PLCE1: variants seen among roughly 807,000 people sequenced by gnomAD.
The protein encoded by PLCE1 is 1-phosphatidylinositol 4,5-bisphosphate phosphodiesterase epsilon-1.
In PLCE1, 119 loss-of-function variants were observed where a neutral mutation model predicts 242.8. The observed-to-expected ratio is 0.49, with a 90% CI of 0.42 to 0.57. The LOEUF (loss-of-function observed/expected upper bound fraction) is 0.57, where lower values mean the gene tolerates loss of function less well. Among genes scored for constraint, PLCE1 ranks in the 20% least tolerant of loss-of-function variants. The pLI is 0.00. For synonymous variants in PLCE1, 945 were observed against 1,017.4 expected (o/e 0.93, Z 1.35); for missense variants, 2,441 against 2,788.8 (o/e 0.88, Z 2.81).
At chr10:94,268,802 C>A in intron 16 of PLCE1, 127 bp from the exon 17 acceptor site, 1 of 690,650 alleles carries the variant, frequency 1.4e-6, no homozygotes. Context: ...TTGTTTTAGA[C>A]CATTTGCCCT....
At chr10:94,085,446 G>A (rs1010014194) in intron 2 of PLCE1, among the ~76,000 whole-genome samples, 1 of 152,092 alleles carries the variant, frequency 6.6e-6, no homozygotes, top group East Asian at 1.9e-4. Flanking sequence ...GGAATCTGTG[G>A]CGTCTCAGAG....
chr10:94,289,127 C>T (rs2052562689), intron 22 of PLCE1, among the ~76,000 whole-genome samples: 1 of 152,154 alleles, frequency 6.6e-6, no homozygotes, highest in Non-Finnish European at 1.5e-5. Context: ...ACCAACACAC[C>T]ACTGAGAGGT....
intron 2 of PLCE1, among the ~76,000 whole-genome samples, chr10:94,045,007 A>T (rs2061849381): frequency 6.6e-6 from 1 of 151,900 alleles, no homozygotes; most frequent in Non-Finnish European, 1.5e-5. Context: ...TTTTATTATT[A>T]TTTTTTCTTT....
In PLCE1 at chr10:93,999,596, G is replaced by A. The variant is rs7894385; in HGVS notation, c.-365+5338G>A. Among the ~76,000 whole-genome samples, 472 of 152,290 alleles carry A rather than the reference G, an allele frequency of 3.1e-3. 3 individuals carry two copies. Among genetic ancestry groups the A allele is most frequent in the African/African-American group, 0.011 (452 of 41,560 alleles). On this transcript the variant is annotated intron_variant, in intron 1 of 32. Transcript: ENST00000371380. ...CAGAACACTGGTTATTGAAATACTC[G>A]TAAGTTTTCACTGTTGCCATCTCCT... is the stretch of plus-strand genomic sequence containing the variant.
In PLCE1 at chr10:94,324,944, A is replaced by G; in HGVS notation, c.6773A>G (p.Lys2258Arg). The part of the protein sequence containing the change: ...KGISFASELK[K>R]LTKSTKQPRG... ...ATTTCTTTCGCAAGTGAACTCAAGA[A>G]GCTCACCAAGTCAACTAAACAGCCC... Residue 2258 changes from lysine to arginine, a missense_variant, in exon 32 of 33, where the codon AAG (lysine) becomes AGG (arginine). Coordinates refer to ENST00000371380, the MANE Select transcript of PLCE1 (RefSeq NM_016341.4). 1 of 1,614,208 alleles carries G rather than the reference A, an allele frequency of 6.2e-7. No homozygotes were observed. The highest frequency in any genetic ancestry group is 8.5e-7 in the Non-Finnish European group (1 of 1,180,030).
intron 1 of PLCE1, among the ~76,000 whole-genome samples, chr10:93,998,962 C>G (rs577452803): frequency 6.6e-6 from 1 of 152,154 alleles, no homozygotes; most frequent in East Asian, 1.9e-4. Context: ...CCTCTAGAAG[C>G]TGGAAAAGGA....
At position 94,227,281 on chromosome 10, in the gene PLCE1, G is replaced by A. The variant is rs200147401; in HGVS notation, c.1810-25G>A. 1.6e-4 allele frequency: 264 copies of A among 1,612,556 alleles called. No homozygotes were observed. The South Asian group carries it at 1.8e-3, about 11-fold the overall frequency. Reference sequence around the variant, plus strand: ...GCCAAGCTTCTAGGACATAATTCCCGTGAATGTCTCTGTGTGTTTTCCAGG... The same window carrying A: ...GCCAAGCTTCTAGGACATAATTCCCATGAATGTCTCTGTGTGTTTTCCAGG... On this transcript the variant is annotated intron_variant, in intron 4 of 32. Coordinates refer to ENST00000371380, the MANE Select transcript of PLCE1 (RefSeq NM_016341.4).
At chr10:94,106,131 G>T (rs1564693254) in intron 2 of PLCE1, 1 of 152,092 alleles carries the variant, frequency 6.6e-6, no homozygotes, top group Non-Finnish European at 1.5e-5. Context: ...TTTCCTATTG[G>T]TTTATTTTTA....
chr10:94,326,808 T>C (rs1242895500), intron 32 of PLCE1, among the ~76,000 whole-genome samples: 1 of 152,234 alleles, frequency 6.6e-6, no homozygotes, highest in Non-Finnish European at 1.5e-5. Flanking sequence ...TTTTTTTTTC[T>C]TTTTCTAAGC....
At chr10:94,077,058 A>G (rs1211291492) in intron 2 of PLCE1, among the ~76,000 whole-genome samples, 1 of 152,232 alleles carries the variant, frequency 6.6e-6, no homozygotes, top group Non-Finnish European at 1.5e-5. Flanking sequence ...TTTCTATAAC[A>G]TAAACAATTA....
In PLCE1 at chr10:94,259,120, G is replaced by T. The variant is rs753816984; in HGVS notation, c.3784G>T (p.Glu1262Ter). 1 of 1,614,074 alleles carries T rather than the reference G, an allele frequency of 6.2e-7. No homozygotes were observed. Residue 1262 changes from glutamate to a stop codon, truncating the protein, a stop_gained, in exon 13 of 33, where the codon GAA (glutamate) becomes TAA (stop). Coordinates refer to ENST00000371380, the MANE Select transcript of PLCE1 (RefSeq NM_016341.4). LOFTEE classifies it high-confidence loss of function. ...APLYTNLTIDENTSDLQPDLD... is the reference protein window; with the variant it reads ...APLYTNLTID ...ACTCTACACCAACCTGACAATTGAT[G>T]AAAACACCAGCGATCTTCAGCCTGA...
At chr10:94,131,109 A>C (rs2046586780) in intron 2 of PLCE1, among the ~76,000 whole-genome samples, 1 of 152,238 alleles carries the variant, frequency 6.6e-6, no homozygotes, top group Non-Finnish European at 1.5e-5. Context: ...CAAGTCAGCC[A>C]AGGCAAGGTG....
At chr10:94,137,934 AC>A in intron 3 of PLCE1, 1 of 388,870 alleles carries the variant, frequency 2.6e-6, no homozygotes, top group Non-Finnish European at 5.1e-6. Context: ...ATGACCAAGT[AC>A]CACAGTGATG....
At position 94,283,845 on chromosome 10, in the gene PLCE1, T is replaced by G. The variant is rs766744123; in HGVS notation, c.4851T>G (p.Phe1617Leu). ...AATCATGTAATGACAAGCTTCAGTT[T>G]GAATATAATGAAGAAATCCCAAAGA... ...ENKSCNDKLQ[F>L]EYNEEIPKRI... The change falls in exon 21 of 33, where the codon TTT becomes TTG. Residue 1617 changes from phenylalanine (F) to leucine (L), a missense_variant. Physicochemically the swap from Phe to Leu is conservative, Grantham distance 22. Transcript: ENST00000371380. 6.2e-7 allele frequency: 1 copy of G among 1,612,294 alleles called. No individual in the cohort carries two copies. Among genetic ancestry groups the G allele is most frequent in the Non-Finnish European group, 8.5e-7 (1 of 1,178,716 alleles).
intron 5 of PLCE1, among the ~76,000 whole-genome samples, chr10:94,232,929 G>C (rs1235022979): frequency 6.6e-6 from 1 of 152,184 alleles, no homozygotes; most frequent in Non-Finnish European, 1.5e-5. Flanking sequence ...GACTGCCCGG[G>C]ACACAGGTCA....
Position 94,328,123 on chromosome 10 carries a change from T to C in PLCE1, c.*180T>C. ...AGAAGCAAAATGGCACAGGGCTAGT[T>C]GCCACCAACCAATTTACTGATGAAT... On this transcript the variant is annotated 3_prime_UTR_variant, in exon 33 of 33. Coordinates refer to ENST00000371380, the MANE Select transcript of PLCE1 (RefSeq NM_016341.4). The C allele has an allele frequency of 2.8e-6, 1 of 359,330 alleles. No individual in the cohort carries two copies. The highest frequency in any genetic ancestry group is 5.8e-6 in the Non-Finnish European group (1 of 170,990). The allele number at this position is 359,330 out of a possible 1,614,324, so 22.3% of individuals were successfully genotyped here.
At chr10:94,006,685 C>G (rs2061044518) in intron 1 of PLCE1, among the ~76,000 whole-genome samples, 1 of 152,180 alleles carries the variant, frequency 6.6e-6, no homozygotes, top group Non-Finnish European at 1.5e-5. Flanking sequence ...CGGTCAGAAC[C>G]TTGTTCTTGG....
intron 2 of PLCE1, among the ~76,000 whole-genome samples, chr10:94,051,259 C>A (rs1304754729): frequency 7.8e-6 from 1 of 127,690 alleles, no homozygotes; most frequent in African/African-American, 3.2e-5. Flanking sequence ...GAGTTACCAG[C>A]CTGGGTGATA....
Position 94,262,475 on chromosome 10 carries a change from T to TGTG in PLCE1, c.3815-15_3815-13dup, listed in dbSNP as rs1187848904. 1 of 1,502,026 alleles carries TGTG rather than the reference T, an allele frequency of 6.7e-7. No homozygotes were observed. Among genetic ancestry groups the TGTG allele is most frequent in the Admixed American group, 1.7e-5 (1 of 59,906 alleles). 93.0% of individuals were successfully genotyped at this position (1,502,026 alleles called of 1,614,324 possible). On this transcript the variant is annotated intron_variant, in intron 13 of 32. Coordinates refer to ENST00000371380, the MANE Select transcript of PLCE1 (RefSeq NM_016341.4). Reference sequence around the variant, plus strand: ...GATGCTGGCTATCTTGTCCATGTACTGTGGTGATTCTGTTTCAGATCTGTT... The same window carrying TGTG: ...GATGCTGGCTATCTTGTCCATGTACTGTGGTGGTGATTCTGTTTCAGATCTGTT...
Sources: allele counts gnomAD v4.1 joint callset (sites outside exome capture counted in the v4.1 genomes callset), GRCh38; gene constraint gnomAD v4.1.1; transcripts MANE v1.5; gene names NCBI Gene and HGNC (gene_info 2026-07-23, HGNC 2026-07-21).